The following NLRP3 variants were observed in gnomAD, a reference collection of about 807,000 sequenced individuals.
NLRP3 encodes the protein NLR family pyrin domain containing 3, also known as NACHT, LRR and PYD domains-containing protein 3.
NLRP3 carries 48 observed loss-of-function variants against 91.3 expected under a neutral mutation model. The ratio of observed to expected loss-of-function variants is 0.53; its 90% confidence interval spans 0.42 to 0.67. The LOEUF is 0.67. NLRP3 is among the 30% of genes least tolerant of loss of function. NLRP3 has a pLI of 0.00. For missense variants in NLRP3, 982 were observed against 1,276.9 expected (o/e 0.77, Z 3.52); for synonymous variants, 561 against 507.9 (o/e 1.10, Z -1.41).
At chr1:247,439,040 CCA>C (rs1664016358) in intron 7 of NLRP3, among the ~76,000 whole-genome samples, 6 of 139,438 alleles carry the variant, frequency 4.3e-5, no homozygotes, top group Non-Finnish European at 6.2e-5. Context: ...ATCCATCCAT[CCA>C]TCCATCCATC....
chr1:247,426,206 T>G (rs1054867448), intron 4 of NLRP3, among the ~76,000 whole-genome samples: 2 of 152,094 alleles, frequency 1.3e-5, no homozygotes, highest in Non-Finnish European at 2.9e-5. Flanking sequence ...AAAAACATGA[T>G]GAAGGTAAAT....
chr1:247,448,428 A>C lies in NLRP3; in HGVS notation c.3029A>C (p.Tyr1010Ser), dbSNP rs749607337. 1.9e-6 allele frequency: 3 copies of C among 1,611,188 alleles called. No individual in the cohort carries two copies. The highest frequency in any genetic ancestry group is 1.7e-5 in the Admixed American group (1 of 59,994). The stretch of plus-strand genomic sequence containing the variant: ...AGGTTGTCTGAAATGTATTTCAATT[A>C]TGAGACAAAAAGTGCGTTAGAAACA... Reference protein sequence around the residue: ...NLGLSEMYFNYETKSALETLQ... With the variant: ...NLGLSEMYFNSETKSALETLQ... Residue 1010 changes from tyrosine (Y) to serine (S), a missense_variant, in exon 10 of 10, where the codon TAT (tyrosine) becomes TCT (serine). By Grantham distance (144) the Tyr-to-Ser change is moderately radical. This residue lies in a region of NLRP3 where 29 missense variants were observed against 55.3 expected (regional missense o/e 0.52). Coordinates refer to ENST00000336119, the MANE Select transcript of NLRP3 (RefSeq NM_001243133.2).
chr1:247,429,765 CG>C lies in NLRP3; in HGVS notation c.2321+11del. ...ACATTCGGAGATTGTGGTGAGTCCCCGTGCATGTGATCTGTGTGAGTGCAAG... is the reference window on the plus strand; with the variant it reads ...ACATTCGGAGATTGTGGTGAGTCCCCTGCATGTGATCTGTGTGAGTGCAAG... On this transcript the variant is annotated intron_variant, in intron 5 of 9. Coordinates refer to ENST00000336119, the MANE Select transcript of NLRP3 (RefSeq NM_001243133.2). 1 of 1,613,082 alleles carries C rather than the reference CG, an allele frequency of 6.2e-7. No individual in the cohort carries two copies. The highest frequency in any genetic ancestry group is 1.7e-5 in the Admixed American group (1 of 60,014).
In NLRP3 at chr1:247,448,741, C is replaced by G. The variant is rs1664764785; in HGVS notation, c.*237C>G. 4 of 562,592 alleles carry G rather than the reference C, an allele frequency of 7.1e-6. No individual in the cohort carries two copies. The highest frequency in any genetic ancestry group is 1.3e-5 in the Non-Finnish European group (4 of 312,254). The allele number at this position is 562,592 out of a possible 1,614,324, so 34.9% of individuals were successfully genotyped here. A position where few individuals can be genotyped will look rare whatever the true frequency, so the allele number is the denominator to read the frequency against. The stretch of plus-strand genomic sequence containing the variant: ...ACAGCATCGGGTGTTGTTGTCATCA[C>G]AGCGCCTCAGTTAGAGGATGTTCCT... On this transcript the variant is annotated 3_prime_UTR_variant, in exon 10 of 10. Transcript: ENST00000336119.
At chr1:247,444,326 A>G (rs1664454040) in intron 8 of NLRP3, among the ~76,000 whole-genome samples, 184 bp downstream of exon 8, 1 of 152,208 alleles carries the variant, frequency 6.6e-6, no homozygotes, top group Non-Finnish European at 1.5e-5. Flanking sequence ...TAGGAACTTG[A>G]GTCCTTACCA....
intron 2 of NLRP3, among the ~76,000 whole-genome samples, chr1:247,421,790 G>C (rs945740960): frequency 6.6e-6 from 1 of 152,110 alleles, no homozygotes; most frequent in African/African-American, 2.4e-5. Flanking sequence ...TTATAACTAG[G>C]GTTAGAAGTT....
chr1:247,444,461 A>G (rs957660773), intron 8 of NLRP3, among the ~76,000 whole-genome samples, 190 bp from the exon 9 acceptor site: 4 of 152,318 alleles, frequency 2.6e-5, no homozygotes, highest in Non-Finnish European at 5.9e-5. Flanking sequence ...TGATCTGTGC[A>G]ATGCAGTGGA....
In NLRP3 at chr1:247,423,936, A is replaced by C; in HGVS notation, c.487A>C (p.Asn163His). The part of the protein sequence containing the change: ...NARLGESVSL[N>H]KRYTRLRLIK... ...CCGTCTGGGTGAGAGTGTGAGCCTC[A>C]ACAAACGCTACACACGACTGCGTCT... is the stretch of plus-strand genomic sequence containing the variant. Residue 163 changes from asparagine to histidine, a missense_variant, in exon 4 of 10, where the codon AAC (asparagine) becomes CAC (histidine). Physicochemically the swap from Asn to His is moderately conservative, Grantham distance 68. Coordinates refer to ENST00000336119, the MANE Select transcript of NLRP3 (RefSeq NM_001243133.2). 1 of 1,614,092 alleles carries C rather than the reference A, an allele frequency of 6.2e-7. No individual in the cohort carries two copies. Among genetic ancestry groups the C allele is most frequent in the South Asian group, 1.1e-5 (1 of 91,058 alleles).
At chr1:247,431,889 C>T (rs1343515629) in intron 5 of NLRP3, among the ~76,000 whole-genome samples, 1 of 152,246 alleles carries the variant, frequency 6.6e-6, no homozygotes, top group Non-Finnish European at 1.5e-5. Context: ...AGTGTCTGGG[C>T]TTTTACTGTA....
chr1:247,439,726 T>C (rs1020216311), intron 7 of NLRP3, among the ~76,000 whole-genome samples: 25 of 152,180 alleles, frequency 1.6e-4, no homozygotes, highest in African/African-American at 6.0e-4. Flanking sequence ...AATATAAATA[T>C]TTTTCTGTGA....
At chr1:247,442,054 T>C (rs1255027622) in intron 7 of NLRP3, among the ~76,000 whole-genome samples, 1 of 152,244 alleles carries the variant, frequency 6.6e-6, no homozygotes, top group African/African-American at 2.4e-5. Flanking sequence ...ACAACAACCC[T>C]CTGATAGAAT....
chr1:247,434,083 C>T lies in NLRP3; in HGVS notation c.2322-20C>T, dbSNP rs755147649. Reference sequence around the variant, plus strand: ...GTCAGGTGTGTTCTGATGCTTTCTGCCTCTGTTCTTGGCATGAAGGTTGGG... The same window carrying T: ...GTCAGGTGTGTTCTGATGCTTTCTGTCTCTGTTCTTGGCATGAAGGTTGGG... On this transcript the variant is annotated intron_variant, in intron 5 of 9. Coordinates refer to ENST00000336119, the MANE Select transcript of NLRP3 (RefSeq NM_001243133.2). 1 of 1,217,296 alleles carries T rather than the reference C, an allele frequency of 8.2e-7. No individual in the cohort carries two copies. Among genetic ancestry groups the T allele is most frequent in the African/African-American group, 2.4e-5 (1 of 41,980 alleles). The allele number at this position is 1,217,296 out of a possible 1,614,324, so 75.4% of individuals were successfully genotyped here.
chr1:247,417,289 C>T (rs752320121), intron 1 of NLRP3, among the ~76,000 whole-genome samples: 3 of 152,114 alleles, frequency 2.0e-5, no homozygotes, highest in Non-Finnish European at 2.9e-5. Context: ...CCCCCTAAGA[C>T]TCAGTTTATG....
Position 247,423,214 on chromosome 1 carries a change from T to G in NLRP3, c.278-16T>G. 6.2e-7 allele frequency: 1 copy of G among 1,613,984 alleles called. No individual in the cohort carries two copies. Among genetic ancestry groups the G allele is most frequent in the Non-Finnish European group, 8.5e-7 (1 of 1,179,928 alleles). ...ATAATAGTTCTGGGTTTTGACACCT[T>G]TTTTTTCCCTTTTAGGTTCAGATAA... On this transcript the variant is annotated splice_polypyrimidine_tract_variant and intron_variant, in intron 2 of 9. Coordinates refer to ENST00000336119, the MANE Select transcript of NLRP3 (RefSeq NM_001243133.2).
intron 1 of NLRP3, among the ~76,000 whole-genome samples, chr1:247,417,502 A>G (rs985359454): frequency 1.5e-4 from 23 of 152,224 alleles, no homozygotes; most frequent in African/African-American, 5.5e-4. Context: ...ATTTTTTGAG[A>G]TGGAGTTTTG....
intron 4 of NLRP3, among the ~76,000 whole-genome samples, chr1:247,427,477 CCGG>C: frequency 1.3e-5 from 2 of 152,248 alleles, no homozygotes; most frequent in African/African-American, 4.8e-5. Flanking sequence ...CACTGAAGCC[CCGG>C]TAGGAGGCTC....
intron 5 of NLRP3, among the ~76,000 whole-genome samples, chr1:247,433,219 AG>A (rs1328582559): frequency 3.3e-5 from 5 of 151,548 alleles, no homozygotes; most frequent in Non-Finnish European, 4.4e-5. Flanking sequence ...AAAAAAGAAA[AG>A]AAAAGAAAAG....
chr1:247,448,260 T>C (rs1355341031), intron 9 of NLRP3, 145 bp from the exon 10 acceptor site: 2 of 616,764 alleles, frequency 3.2e-6, no homozygotes, highest in East Asian at 3.0e-5. Context: ...CTGGGAGTTG[T>C]GGTCCCTCTT....
In NLRP3 at chr1:247,424,955, G is replaced by A. The variant is rs150776307; in HGVS notation, c.1506G>A (p.Arg502=). The change falls in exon 4 of 10, where the codon AGG becomes AGA. Residue 502 remains arginine (R), a synonymous_variant. Coordinates refer to ENST00000336119, the MANE Select transcript of NLRP3 (RefSeq NM_001243133.2). The surrounding 1 kb of genome is among the most constrained non-coding windows in gnomAD (Gnocchi z 8.1). The part of the protein sequence containing the change: ...LQKADVSAFL[R]MNLFQKEVDC... ...AGGCGGATGTGTCTGCTTTCCTGAG[G>A]ATGAACCTGTTCCAAAAGGAAGTGG... The A allele has an allele frequency of 1.2e-6, 2 of 1,613,986 alleles. No homozygotes were observed. Among genetic ancestry groups the A allele is most frequent in the African/African-American group, 2.7e-5 (2 of 74,938 alleles).
Sources: gnomAD v4.1 joint callset for allele counts (sites outside exome capture counted in the v4.1 genomes callset) on GRCh38, gnomAD v4.1.1 for gene constraint, gnomAD v4.1.1 regional missense constraint, Gnocchi (gnomAD v3.1) non-coding constraint, MANE v1.5 for transcripts, NCBI Gene and HGNC (gene_info 2026-07-23, HGNC 2026-07-21) for gene names.